The following TYW1B variants were observed in gnomAD, a reference collection of about 807,000 sequenced individuals.
TYW1B encodes the protein S-adenosyl-L-methionine-dependent tRNA 4-demethylwyosine synthase TYW1B.
In TYW1B, 73 loss-of-function variants were observed where a neutral mutation model predicts 86.9. That is an observed-to-expected ratio of 0.84 (90% CI 0.70 to 1.02). The LOEUF is 1.02. Ranked by LOEUF, TYW1B falls within the 50% of genes least tolerant of loss-of-function variation. The pLI is 0.00. For missense variants in TYW1B, 637 were observed against 827.4 expected (o/e 0.77, Z 2.82); for synonymous variants, 248 against 292.8 (o/e 0.85, Z 1.56).
chr7:72,628,511 C>T (rs1812407778), intron 12 of TYW1B, among the ~76,000 whole-genome samples: 1 of 152,098 alleles, frequency 6.6e-6, no homozygotes, highest in Admixed American at 6.6e-5. Context: ...GTTCATTAGA[C>T]CAATCTCTCT....
rs1554428183 is a variant in TYW1B, at chr7:72,575,004, G to A, written c.*494C>T. On this transcript the variant is annotated 3_prime_UTR_variant, in exon 14 of 14. Transcript: ENST00000620995. ...GTGACAACTTCGATTCTTTTCAGGAGGTGCTGTCTTAAGACAGAAGAAAGG... is the reference window on the plus strand; with the variant it reads ...GTGACAACTTCGATTCTTTTCAGGAAGTGCTGTCTTAAGACAGAAGAAAGG... 1 of 988,258 alleles carries A rather than the reference G, an allele frequency of 1.0e-6. No homozygotes were observed. The highest frequency in any genetic ancestry group is 1.7e-5 in the African/African-American group (1 of 57,264). The allele number at this position is 988,258 out of a possible 1,614,324, so 61.2% of individuals were successfully genotyped here.
intron 11 of TYW1B, among the ~76,000 whole-genome samples, chr7:72,679,857 C>A (rs1813827071): frequency 6.6e-6 from 1 of 152,178 alleles, no homozygotes; most frequent in East Asian, 1.9e-4. Context: ...AGGCCAGGAG[C>A]AGTAGATCAC....
At chr7:72,657,355 T>C (rs534947039) in intron 11 of TYW1B, among the ~76,000 whole-genome samples, 1 of 152,206 alleles carries the variant, frequency 6.6e-6, no homozygotes, top group Admixed American at 6.5e-5. Flanking sequence ...CAGGACACCA[T>C]AAAGCAAACA....
chr7:72,588,079 C>G (rs1354458021), intron 13 of TYW1B, among the ~76,000 whole-genome samples: 2 of 152,186 alleles, frequency 1.3e-5, no homozygotes, highest in East Asian at 3.9e-4. Flanking sequence ...TTGTGATTGC[C>G]TGCAATAGTG....
At chr7:72,607,489 AGAGG>A (rs1186168081) in intron 13 of TYW1B, among the ~76,000 whole-genome samples, 3 of 151,062 alleles carry the variant, frequency 2.0e-5, no homozygotes, top group Non-Finnish European at 3.0e-5. Flanking sequence ...AGAGAAGGAG[AGAGG>A]GAGGAAGGAA....
chr7:72,727,811 CAAAAAAA>C (rs10714290), intron 9 of TYW1B, among the ~76,000 whole-genome samples: 15 of 107,666 alleles, frequency 1.4e-4, no homozygotes, highest in South Asian at 3.4e-4. Flanking sequence ...AGATCCGGTC[CAAAAAAA>C]AAAAAAAAAA....
chr7:72,797,477 C>A (rs1788324613), intron 6 of TYW1B, among the ~76,000 whole-genome samples: 1 of 152,200 alleles, frequency 6.6e-6, no homozygotes, highest in Non-Finnish European at 1.5e-5. Flanking sequence ...TCCATTTGAC[C>A]GTTTCTGATC....
chr7:72,827,543 T>C (rs1330325742), intron 1 of TYW1B, among the ~76,000 whole-genome samples: 1 of 152,208 alleles, frequency 6.6e-6, no homozygotes, highest in African/African-American at 2.4e-5. Flanking sequence ...AATGAGCATT[T>C]AGAAGCAAGA....
rs782573627 is a variant in TYW1B at position 72,807,069 on chromosome 7, G to T, written c.720C>A (p.Thr240=). The T allele has an allele frequency of 1.9e-5, 31 of 1,613,422 alleles. No homozygotes were observed. In the African/African-American group the frequency reaches 3.7e-4, roughly 19 times the overall value. ...QEQDELHHRD[T]KEEEPFESSS... The stretch of plus-strand genomic sequence containing the variant: ...GATGAACACACAGGCGGTATACCTT[G>T]GTGTCTCTGTGATGCAATTCGTCCT... Residue 240 remains threonine, a synonymous_variant, in exon 5 of 14, where the codon ACC becomes ACA. Transcript: ENST00000620995.
intron 13 of TYW1B, among the ~76,000 whole-genome samples, chr7:72,598,556 A>T (rs1443172524): frequency 3.9e-5 from 6 of 152,226 alleles, no homozygotes; most frequent in Non-Finnish European, 8.8e-5. Flanking sequence ...AAGCAGGTTT[A>T]TGTAGAAGAA....
chr7:72,619,626 C>T (rs1352672613), intron 12 of TYW1B, among the ~76,000 whole-genome samples: 8 of 132,926 alleles, frequency 6.0e-5, no homozygotes, highest in Non-Finnish European at 7.7e-5. Flanking sequence ...CTGGCCTGGG[C>T]GACAGAGCAA....
intron 13 of TYW1B, among the ~76,000 whole-genome samples, chr7:72,598,151 G>A (rs1385625713): frequency 6.6e-6 from 1 of 152,130 alleles, no homozygotes; most frequent in Non-Finnish European, 1.5e-5. Flanking sequence ...AATATGGTGG[G>A]CACAATTTAA....
intron 7 of TYW1B, among the ~76,000 whole-genome samples, chr7:72,746,731 A>G (rs1787401872): frequency 6.6e-6 from 1 of 152,212 alleles, no homozygotes; most frequent in Admixed American, 6.5e-5. Flanking sequence ...TGTAAGAACT[A>G]GAGCCCATAA....
chr7:72,793,687 G>A (rs1334271732), intron 6 of TYW1B, among the ~76,000 whole-genome samples: 6 of 151,740 alleles, frequency 4.0e-5, no homozygotes, highest in East Asian at 1.9e-4. Flanking sequence ...TCCCAGAGAC[G>A]GAGGTCGTAT....
intron 6 of TYW1B, among the ~76,000 whole-genome samples, chr7:72,789,141 G>C (rs1279861007): frequency 6.9e-6 from 1 of 144,624 alleles, no homozygotes; most frequent in East Asian, 2.1e-4. Flanking sequence ...TGGTGCAGAC[G>C]TGAATTTATT....
At chr7:72,744,345 T>C in intron 8 of TYW1B, 139 bp downstream of exon 8, 1 of 875,132 alleles carries the variant, frequency 1.1e-6, no homozygotes, top group Non-Finnish European at 1.8e-6. Context: ...TACAAAATTT[T>C]TATACACTAA....
At chr7:72,699,048 G>A (rs185406355) in intron 10 of TYW1B, among the ~76,000 whole-genome samples, 1 of 149,462 alleles carries the variant, frequency 6.7e-6, no homozygotes, top group Non-Finnish European at 1.5e-5. Context: ...GAAGATGGAT[G>A]AGAGTCCCAC....
In TYW1B at chr7:72,715,808, C is replaced by A. The variant is rs1335369953; in HGVS notation, c.1193-2010G>T. ...CCTGATAGTTCTAAATCAATGATTT[C>A]TAGGTTCCTTTTGAAGAACATATTC... On this transcript the variant is annotated intron_variant, in intron 9 of 13. Transcript: ENST00000620995. Among the ~76,000 whole-genome samples the A allele has an allele frequency of 4.3e-4, 65 of 151,864 alleles. 2 individuals carry two copies. Among genetic ancestry groups the A allele is most frequent in the Non-Finnish European group, 1.3e-4 (9 of 68,004 alleles).
At chr7:72,669,613 T>C (rs1441773904) in intron 11 of TYW1B, among the ~76,000 whole-genome samples, 14 of 151,180 alleles carry the variant, frequency 9.3e-5, no homozygotes, top group Non-Finnish European at 1.8e-4. Context: ...AAAAAAAAAA[T>C]CAGCCAGGCA....
Sources: gnomAD v4.1 joint callset for allele counts (sites outside exome capture counted in the v4.1 genomes callset) on GRCh38, gnomAD v4.1.1 for gene constraint, MANE v1.5 for transcripts, NCBI Gene and HGNC (gene_info 2026-07-23, HGNC 2026-07-21) for gene names.